DLEC1: variants seen among roughly 807,000 people sequenced by gnomAD.
DLEC1 encodes the protein deleted in lung and esophageal cancer protein 1.
In DLEC1, 146 loss-of-function variants were observed where a neutral mutation model predicts 198.1. The observed-to-expected ratio is 0.74, with a 90% CI of 0.64 to 0.85. The LOEUF is 0.85. DLEC1 is among the 40% of genes least tolerant of loss of function. DLEC1 has a pLI of 0.00. For missense variants in DLEC1, 2,233 were observed against 2,220.0 expected, an observed-to-expected ratio of 1.01 and a Z score of -0.12; for synonymous variants, 897 against 866.8, an observed-to-expected ratio of 1.03 and a Z score of -0.61.
Position 38,116,897 on chromosome 3 carries a change from G to A in DLEC1, c.4179+8G>A. The A allele has an allele frequency of 6.2e-7, 1 of 1,612,752 alleles. No individual in the cohort carries two copies. Among genetic ancestry groups the A allele is most frequent in the Non-Finnish European group, 8.5e-7 (1 of 1,179,324 alleles). On this transcript the variant is annotated splice_region_variant and intron_variant, in intron 29 of 36. Transcript: ENST00000308059. ...ATCAGCCCCAAGCAGGTGGTGAGTT[G>A]GGGTATGGGCTGGGAGCTGTCTGCA... is the stretch of plus-strand genomic sequence containing the variant.
chr3:38,100,226 A>G, intron 18 of DLEC1, 60 bp from the exon 19 acceptor site: 3 of 1,529,358 alleles, frequency 2.0e-6, no homozygotes, highest in Non-Finnish European at 2.6e-6. Flanking sequence ...GCCAGCCCCC[A>G]GTTCCTCTGC....
At chr3:38,082,501 C>G (rs1226388068) in intron 6 of DLEC1, among the ~76,000 whole-genome samples, 4 of 152,162 alleles carry the variant, frequency 2.6e-5, no homozygotes, top group Non-Finnish European at 5.9e-5. Context: ...TGTTCTTAAC[C>G]CTCCAGAAAA....
At chr3:38,065,574 A>G (rs1696984684) in intron 6 of DLEC1, among the ~76,000 whole-genome samples, 1 of 152,250 alleles carries the variant, frequency 6.6e-6, no homozygotes, top group South Asian at 2.1e-4. Flanking sequence ...ACACATCTAT[A>G]TGCACATGTA....
chr3:38,069,861 A>G (rs1266991938), intron 6 of DLEC1, among the ~76,000 whole-genome samples: 1 of 152,222 alleles, frequency 6.6e-6, no homozygotes, highest in Non-Finnish European at 1.5e-5. Flanking sequence ...ATTGATGTAA[A>G]TGCTGATTTA....
chr3:38,116,398 G>T, intron 27 of DLEC1, 55 bp from the exon 28 acceptor site: 2 of 1,590,308 alleles, frequency 1.3e-6, no homozygotes, highest in Non-Finnish European at 8.6e-7. Context: ...AGGGGGCCCC[G>T]GGGGGTTGTC....
At position 38,108,507 on chromosome 3, in the gene DLEC1, C is replaced by CAT; in HGVS notation, c.3123_3124dup (p.Thr1042IlefsTer6). On this transcript the variant is annotated frameshift_variant, in exon 21 of 37. Coordinates refer to ENST00000308059, the MANE Select transcript of DLEC1 (RefSeq NM_007335.4). LOFTEE classifies it high-confidence loss of function. ...CCAGCTCAAGTTGGAGTTGACTGCT[C>CAT]ATACCCAGGTGAGTAAGGCAATGTA... 6.2e-7 allele frequency: 1 copy of CAT among 1,613,850 alleles called. No homozygotes were observed. Among genetic ancestry groups the CAT allele is most frequent in the South Asian group, 1.1e-5 (1 of 91,024 alleles).
Position 38,116,795 on chromosome 3 carries a change from G to A in DLEC1, c.4085G>A (p.Ser1362Asn), listed in dbSNP as rs200788402. The change falls in exon 29 of 37, where the codon AGC becomes AAC. Residue 1362 changes from serine (S) to asparagine (N), a missense_variant. Physicochemically the swap from Ser to Asn is conservative, Grantham distance 46. Coordinates refer to ENST00000308059, the MANE Select transcript of DLEC1 (RefSeq NM_007335.4). The part of the protein sequence containing the change: ...DSSVEGSSSA[S>N]NRVAQKLISV... ...CAGGTTGAGGGCAGCTCCAGTGCCA[G>A]CAATAGGGTGGCACAGAAGCTCATC... 5 of 1,613,400 alleles carry A rather than the reference G, an allele frequency of 3.1e-6. No homozygotes were observed. Among genetic ancestry groups the A allele is most frequent in the South Asian group, 2.2e-5 (2 of 90,956 alleles).
intron 23 of DLEC1, among the ~76,000 whole-genome samples, chr3:38,110,834 GCATACACA>G (rs1313336054): frequency 2.0e-5 from 3 of 151,716 alleles, no homozygotes; most frequent in Non-Finnish European, 2.9e-5. Flanking sequence ...ATATACACAT[GCATACACA>G]CATACACACA....
chr3:38,059,898 G>C, intron 3 of DLEC1, 46 bp downstream of exon 3: 1 of 1,545,696 alleles, frequency 6.5e-7, no homozygotes, highest in Non-Finnish European at 8.9e-7. Flanking sequence ...TTTGGGGGAA[G>C]TTCAGTAGGG....
At chr3:38,094,369 C>T (rs1210000825) in intron 12 of DLEC1, among the ~76,000 whole-genome samples, 1 of 152,194 alleles carries the variant, frequency 6.6e-6, no homozygotes, top group Admixed American at 6.5e-5. Flanking sequence ...AAGTCCTGCC[C>T]CTCCTATGCT....
Position 38,062,816 on chromosome 3 carries a change from G to A in DLEC1, c.1094+15G>A. The A allele has an allele frequency of 6.2e-7, 1 of 1,611,288 alleles. No individual in the cohort carries two copies. ...CCAGAACAGAGGTATGTCTTTCTCT[G>A]GCTTGAACTCTCAGAAAACCTGGCC... On this transcript the variant is annotated intron_variant, in intron 5 of 36. Transcript: ENST00000308059.
At chr3:38,046,819 T>C (rs1453697867) in intron 2 of DLEC1, among the ~76,000 whole-genome samples, 1 of 151,402 alleles carries the variant, frequency 6.6e-6, no homozygotes, top group Non-Finnish European at 1.5e-5. Context: ...CAGGAAGTCA[T>C]GTCACATGCA....
intron 8 of DLEC1, among the ~76,000 whole-genome samples, chr3:38,085,685 G>A (rs1423360515): frequency 1.3e-5 from 2 of 152,080 alleles, no homozygotes; most frequent in South Asian, 2.1e-4. Context: ...CAGGGGATGA[G>A]GCCAACAGTC....
chr3:38,104,231 C>CG (rs1699452064), intron 19 of DLEC1, among the ~76,000 whole-genome samples: 2 of 152,038 alleles, frequency 1.3e-5, no homozygotes, highest in African/African-American at 4.8e-5. Context: ...CTGAGGTGGA[C>CG]GGATCACCTA....
chr3:38,059,301 T>G lies in DLEC1; in HGVS notation c.563-441T>G, dbSNP rs144489036. Among the ~76,000 whole-genome samples, 10 of 152,372 alleles carry G rather than the reference T, an allele frequency of 6.6e-5. No homozygotes were observed. In the East Asian group the frequency reaches 1.9e-3, roughly 29 times the overall value. ...AAAGCCACAAGAGGGAAGGCTCAGC[T>G]GCACAAGTGCATTTCAAACCTTTGC... On this transcript the variant is annotated intron_variant, in intron 2 of 36. Coordinates refer to ENST00000308059, the MANE Select transcript of DLEC1 (RefSeq NM_007335.4).
chr3:38,085,206 C>G (rs371648625), intron 7 of DLEC1, 68 bp from the exon 8 acceptor site: 655 of 1,565,312 alleles, frequency 4.2e-4, no homozygotes, highest in Admixed American at 8.4e-4. Context: ...GGGTCTGTAC[C>G]AGCTGAGCTC....
At chr3:38,060,765 G>A (rs1015125959) in intron 3 of DLEC1, among the ~76,000 whole-genome samples, 2 of 152,014 alleles carry the variant, frequency 1.3e-5, no homozygotes, top group Non-Finnish European at 2.9e-5. Flanking sequence ...CACGATCTTG[G>A]CTCACCACAA....
intron 27 of DLEC1, 55 bp from the exon 28 acceptor site, chr3:38,116,397 CG>C (rs1700160110): frequency 8.2e-6 from 13 of 1,592,904 alleles, no homozygotes; most frequent in South Asian, 5.6e-5. Flanking sequence ...GAGGGGGCCC[CG>C]GGGGGTTGTC....
In DLEC1 at chr3:38,100,380, A is replaced by T. The variant is rs1416874679; in HGVS notation, c.2819A>T (p.His940Leu). The change falls in exon 19 of 37, where the codon CAT becomes CTT. Residue 940 changes from histidine to leucine, a missense_variant. His to Leu is a moderately conservative substitution (Grantham distance 99). Coordinates refer to ENST00000308059, the MANE Select transcript of DLEC1 (RefSeq NM_007335.4). ...ACCTTGGAGGCCCTGCACTGCCAGC[A>T]TCTGGAGACCGTCCTGGAGCTGGAG... ...DITLEALHCQ[H>L]LETVLELEVE... is the part of the protein sequence containing the mutation. 6.2e-7 allele frequency: 1 copy of T among 1,614,002 alleles called. No individual in the cohort carries two copies. The highest frequency in any genetic ancestry group is 2.2e-5 in the East Asian group (1 of 44,860).
Sources: allele counts gnomAD v4.1 joint callset (sites outside exome capture counted in the v4.1 genomes callset), GRCh38; gene constraint gnomAD v4.1.1; transcripts MANE v1.5; gene names NCBI Gene and HGNC (gene_info 2026-07-23, HGNC 2026-07-21).